The following CLVS1 variants were observed in gnomAD, a reference collection of about 807,000 sequenced individuals.
The protein encoded by CLVS1 is clavesin-1.
Under a neutral mutation model 33.1 loss-of-function variants are expected in CLVS1, and 10 were observed. The observed-to-expected ratio is 0.30, with a 90% CI of 0.19 to 0.51. The LOEUF (loss-of-function observed/expected upper bound fraction) is 0.51, where lower values mean the gene tolerates loss of function less well. Among genes scored for constraint, CLVS1 ranks in the 20% least tolerant of loss-of-function variants. The probability of loss-of-function intolerance (pLI) is 0.97; values close to 1 mark genes in which losing one functional copy is unlikely to be tolerated. For missense variants in CLVS1, 343 were observed against 433.4 expected (o/e 0.79, Z 1.85); for synonymous variants, 163 against 166.1 (o/e 0.98, Z 0.14).
chr8:61,194,622 T>C (rs1807564560), intron 2 of CLVS1, among the ~76,000 whole-genome samples: 2 of 151,906 alleles, frequency 1.3e-5, no homozygotes, highest in African/African-American at 2.4e-5. Context: ...AATTTTAACA[T>C]ACATCTTTCA....
the CLVS1 span, among the ~76,000 whole-genome samples, chr8:61,036,692 A>G: frequency 6.6e-6 from 1 of 152,214 alleles, no homozygotes; most frequent in South Asian, 2.1e-4. Context: ...ATGTGCTTTT[A>G]AGCAAGACAC....
intron 2 of CLVS1, among the ~76,000 whole-genome samples, chr8:61,322,005 C>A (rs552826941): frequency 6.6e-6 from 1 of 152,196 alleles, no homozygotes; most frequent in African/African-American, 2.4e-5. Flanking sequence ...GTTTGTTTAA[C>A]CTATTTTTTT....
At chr8:61,494,899 A>C (rs763484638) in intron 5 of CLVS1, among the ~76,000 whole-genome samples, 14 of 152,240 alleles carry the variant, frequency 9.2e-5, no homozygotes, top group Non-Finnish European at 1.8e-4. Flanking sequence ...GCTGAAAGTA[A>C]AAAGACTGTA....
intron 2 of CLVS1, among the ~76,000 whole-genome samples, chr8:61,154,179 AC>A (rs1806603340): frequency 6.6e-6 from 1 of 150,382 alleles, no homozygotes; most frequent in Non-Finnish European, 1.5e-5. Context: ...CACTGTTCAC[AC>A]TATTAATATG....
At chr8:61,364,839 C>T (rs1416405634) in intron 2 of CLVS1, among the ~76,000 whole-genome samples, 1 of 152,156 alleles carries the variant, frequency 6.6e-6, no homozygotes, top group African/African-American at 2.4e-5. Context: ...TAGGCAATTT[C>T]CTGAGTTAAT....
At chr8:61,448,003 T>C (rs1439304399) in intron 3 of CLVS1, among the ~76,000 whole-genome samples, 2 of 152,174 alleles carry the variant, frequency 1.3e-5, no homozygotes, top group Non-Finnish European at 2.9e-5. Context: ...CTCTTGATTC[T>C]TGAAGAGCAT....
At chr8:61,405,631 T>C (rs1563538802) in intron 3 of CLVS1, among the ~76,000 whole-genome samples, 1 of 151,528 alleles carries the variant, frequency 6.6e-6, no homozygotes, top group Non-Finnish European at 1.5e-5. Context: ...TAAAGATGGG[T>C]AGTCAAGGGC....
chr8:61,322,028 C>A lies in CLVS1; in HGVS notation c.455+21746C>A, dbSNP rs564730100. On this transcript the variant is annotated intron_variant, in intron 2 of 5. Coordinates refer to ENST00000325897, the MANE Select transcript of CLVS1 (RefSeq NM_173519.3). ...AACCTATTTTTTTATGGTTGTCTTTCTTTCACCTGTACCCTAGCTCCACTA... is the reference window on the plus strand; with the variant it reads ...AACCTATTTTTTTATGGTTGTCTTTATTTCACCTGTACCCTAGCTCCACTA... 2.0e-5 allele frequency among the ~76,000 whole-genome samples: 3 copies of A among 152,136 alleles called. No homozygotes were observed. In the East Asian group the frequency reaches 5.8e-4, roughly 29 times the overall value.
intron 2 of CLVS1, among the ~76,000 whole-genome samples, chr8:61,153,752 G>A (rs567598708): frequency 2.6e-5 from 4 of 152,142 alleles, no homozygotes; most frequent in Non-Finnish European, 5.9e-5. Flanking sequence ...TACAGTGTTC[G>A]CTGCCATCTG....
At chr8:61,258,002 CA>C (rs1385383134) in intron 2 of CLVS1, among the ~76,000 whole-genome samples, 1 of 151,932 alleles carries the variant, frequency 6.6e-6, no homozygotes, top group Non-Finnish European at 1.5e-5. Context: ...GAGCCAGGAG[CA>C]GGGGGAAAGG....
intron 3 of CLVS1, among the ~76,000 whole-genome samples, chr8:61,429,601 T>C (rs1816035728): frequency 6.6e-6 from 1 of 152,158 alleles, no homozygotes; most frequent in Non-Finnish European, 1.5e-5. Flanking sequence ...GTATTGGGGA[T>C]TAAGTATCTA....
chr8:61,211,730 T>C (rs2931332), intron 2 of CLVS1, among the ~76,000 whole-genome samples: 3,856 of 152,324 alleles, frequency 0.025, 82 homozygotes, highest in Admixed American at 0.065. Context: ...TCCTCTTACT[T>C]TGCAGATGTG....
At chr8:61,325,190 C>T (rs1407255897) in intron 2 of CLVS1, among the ~76,000 whole-genome samples, 1 of 151,524 alleles carries the variant, frequency 6.6e-6, no homozygotes, top group Non-Finnish European at 1.5e-5. Flanking sequence ...AAGAAATAAC[C>T]TATGTACACA....
At chr8:61,236,479 A>G (rs141750384) in intron 2 of CLVS1, among the ~76,000 whole-genome samples, 13 of 152,312 alleles carry the variant, frequency 8.5e-5, no homozygotes, top group African/African-American at 3.1e-4. Context: ...CATTTCTGAG[A>G]CAGTCTGTTG....
intron 2 of CLVS1, among the ~76,000 whole-genome samples, chr8:61,206,199 T>C (rs564031139): frequency 6.6e-6 from 1 of 152,322 alleles, no homozygotes; most frequent in Admixed American, 6.5e-5. Flanking sequence ...TGCTCAGATG[T>C]TGTCTTTCTT....
At chr8:61,298,927 G>T (rs1405487268) in intron 1 of CLVS1, among the ~76,000 whole-genome samples, 1 of 152,224 alleles carries the variant, frequency 6.6e-6, no homozygotes, top group East Asian at 1.9e-4. Context: ...TGGACATTGG[G>T]TTGGGTAGGG....
At chr8:61,277,633 G>C (rs920471944) in intron 2 of CLVS1, among the ~76,000 whole-genome samples, 1 of 151,948 alleles carries the variant, frequency 6.6e-6, no homozygotes, top group Non-Finnish European at 1.5e-5. Context: ...ACAAATGCTT[G>C]GGGGGGTAGG....
chr8:61,288,292 C>G (rs1809847357), intron 1 of CLVS1, 154 bp downstream of exon 1: 1 of 455,858 alleles, frequency 2.2e-6, no homozygotes, highest in African/African-American at 2.0e-5. Context: ...CGCACCGCAC[C>G]CCGCTCCCCG....
At chr8:61,215,635 T>G (rs1808066463) in intron 2 of CLVS1, among the ~76,000 whole-genome samples, 1 of 151,808 alleles carries the variant, frequency 6.6e-6, no homozygotes, top group Admixed American at 6.6e-5. Flanking sequence ...ATTTCCTCCT[T>G]TGCATTCAAT....
Sources: allele counts gnomAD v4.1 joint callset (sites outside exome capture counted in the v4.1 genomes callset), GRCh38; gene constraint gnomAD v4.1.1; transcripts MANE v1.5; gene names NCBI Gene and HGNC (gene_info 2026-07-23, HGNC 2026-07-21).